The following FHIT variants were observed in gnomAD, a reference collection of about 807,000 sequenced individuals.
FHIT encodes fragile histidine triad diadenosine triphosphatase.
A neutral mutation model predicts 17.9 loss-of-function variants in FHIT; 19 were observed. That is an observed-to-expected ratio of 1.06 (90% CI 0.74 to 1.56). The LOEUF (loss-of-function observed/expected upper bound fraction) is 1.56, where lower values mean the gene tolerates loss of function less well. Ranked by LOEUF, FHIT falls within the 40% of genes most tolerant of loss-of-function variation. FHIT has a pLI of 0.00. For synonymous variants in FHIT, 81 were observed against 69.7 expected (o/e 1.16, Z -0.81); for missense variants, 248 against 189.2 (o/e 1.31, Z -1.82).
intron 2 of FHIT, among the ~76,000 whole-genome samples, chr3:61,046,233 A>C (rs1331696637): frequency 6.6e-6 from 1 of 152,192 alleles, no homozygotes; most frequent in African/African-American, 2.4e-5. Flanking sequence ...CAAAATTGAT[A>C]GACTGCTAGC....
intron 5 of FHIT, among the ~76,000 whole-genome samples, chr3:60,405,598 C>A (rs1701827026): frequency 6.6e-6 from 1 of 152,194 alleles, no homozygotes; most frequent in African/African-American, 2.4e-5. Context: ...GGCAGGGCGC[C>A]CCCTGTGGCA....
intron 1 of FHIT, among the ~76,000 whole-genome samples, chr3:61,223,142 A>G (rs762105078): frequency 7.2e-5 from 11 of 152,292 alleles, no homozygotes; most frequent in Non-Finnish European, 1.5e-4. Flanking sequence ...GAAACATAAT[A>G]TTTATATCCA....
At chr3:59,905,317 G>A (rs1240760460) in intron 8 of FHIT, among the ~76,000 whole-genome samples, 1 of 152,202 alleles carries the variant, frequency 6.6e-6, no homozygotes, top group African/African-American at 2.4e-5. Flanking sequence ...AGAATAAACT[G>A]GAGATGACCC....
At chr3:60,392,546 A>G (rs1171221290) in intron 5 of FHIT, among the ~76,000 whole-genome samples, 1 of 152,206 alleles carries the variant, frequency 6.6e-6, no homozygotes, top group Admixed American at 6.5e-5. Flanking sequence ...CAACTGGTTC[A>G]TCTTGCACCA....
intron 8 of FHIT, among the ~76,000 whole-genome samples, chr3:59,859,445 C>G (rs1025753074): frequency 2.0e-5 from 3 of 152,194 alleles, no homozygotes; most frequent in Non-Finnish European, 4.4e-5. Context: ...AGGCTGGGTG[C>G]TGTGGCTCAC....
intron 4 of FHIT, among the ~76,000 whole-genome samples, chr3:60,633,120 A>G (rs115446260): frequency 0.011 from 1,729 of 152,354 alleles, 31 homozygotes; most frequent in African/African-American, 0.039. Context: ...CAAAATCTGT[A>G]AGAAATAAAT....
Position 60,069,936 on chromosome 3 carries a change from T to C in FHIT, c.104-55784A>G, listed in dbSNP as rs540320124. On this transcript the variant is annotated intron_variant, in intron 5 of 9. Coordinates refer to ENST00000492590, the MANE Select transcript of FHIT (RefSeq NM_002012.4). ...CTTTCTTCTGTCTAGCACACTTTTC[T>C]CCTCGCTCTTTACTCGCTCAAGTTT... Among the ~76,000 whole-genome samples the C allele has an allele frequency of 1.1e-4, 16 of 152,334 alleles. No individual in the cohort carries two copies. The South Asian group carries it at 3.3e-3, about 32-fold the overall frequency.
chr3:61,213,395 A>G (rs1385236977), intron 1 of FHIT, among the ~76,000 whole-genome samples: 1 of 152,246 alleles, frequency 6.6e-6, no homozygotes, highest in African/African-American at 2.4e-5. Flanking sequence ...AACAAAGATC[A>G]AAAGAGAGAA....
intron 3 of FHIT, among the ~76,000 whole-genome samples, chr3:61,019,622 T>C (rs2107642344): frequency 6.6e-6 from 1 of 152,344 alleles, no homozygotes; most frequent in African/African-American, 2.4e-5. Flanking sequence ...CTGTGTAATA[T>C]AACGCTATAT....
intron 3 of FHIT, among the ~76,000 whole-genome samples, chr3:60,962,462 A>C (rs1466427841): frequency 6.6e-6 from 1 of 152,162 alleles, no homozygotes; most frequent in Non-Finnish European, 1.5e-5. Flanking sequence ...AATTTCCAAC[A>C]CTATGTTGAA....
chr3:60,180,331 A>C (rs769460175), intron 5 of FHIT, among the ~76,000 whole-genome samples: 3 of 152,194 alleles, frequency 2.0e-5, no homozygotes, highest in Non-Finnish European at 2.9e-5. Context: ...AGAAAGAGAA[A>C]AACTTCACAC....
chr3:61,012,572 T>C (rs891521528), intron 3 of FHIT, among the ~76,000 whole-genome samples: 2 of 152,080 alleles, frequency 1.3e-5, no homozygotes, highest in African/African-American at 4.8e-5. Context: ...CTAAATCCTG[T>C]TTTGTTTTGA....
chr3:59,756,779 T>G (rs1157970005), intron 8 of FHIT, among the ~76,000 whole-genome samples: 3 of 152,154 alleles, frequency 2.0e-5, no homozygotes, highest in African/African-American at 7.2e-5. Flanking sequence ...CATCATTTTG[T>G]GCACTCCAGG....
At chr3:60,640,698 C>G (rs2039704560) in intron 4 of FHIT, among the ~76,000 whole-genome samples, 1 of 151,894 alleles carries the variant, frequency 6.6e-6, no homozygotes, top group African/African-American at 2.4e-5. Flanking sequence ...TTTAAAAACT[C>G]AACTGAAAAA....
At chr3:60,403,636 C>T (rs916696263) in intron 5 of FHIT, among the ~76,000 whole-genome samples, 2 of 152,266 alleles carry the variant, frequency 1.3e-5, no homozygotes, top group Admixed American at 6.5e-5. Flanking sequence ...CAGAAAGCGT[C>T]CTGCCCCATA....
intron 7 of FHIT, among the ~76,000 whole-genome samples, chr3:59,959,878 A>G (rs1452267348): frequency 6.6e-6 from 1 of 152,200 alleles, no homozygotes; most frequent in African/African-American, 2.4e-5. Context: ...GCAAGTTGAC[A>G]TTAATTAGGT....
In FHIT at chr3:59,897,859, C is replaced by T. The variant is rs375571893; in HGVS notation, c.348+24487G>A. On this transcript the variant is annotated intron_variant, in intron 8 of 9. Transcript: ENST00000492590. ...TCGGCTCACTGCAAGCTCCGCCTCC[C>T]GGGTTCACGCCATTCTCCTGCCTCA... 5.9e-5 allele frequency among the ~76,000 whole-genome samples: 9 copies of T among 152,028 alleles called. No homozygotes were observed. The South Asian group carries it at 8.3e-4, about 14-fold the overall frequency.
intron 5 of FHIT, among the ~76,000 whole-genome samples, chr3:60,193,469 T>C (rs998671640): frequency 5.9e-5 from 9 of 152,146 alleles, no homozygotes; most frequent in African/African-American, 2.2e-4. Context: ...TAAATAAAAA[T>C]ATCATTTAGT....
chr3:60,179,306 T>A (rs950471909), intron 5 of FHIT, among the ~76,000 whole-genome samples: 1 of 152,312 alleles, frequency 6.6e-6, no homozygotes, highest in Admixed American at 6.5e-5. Flanking sequence ...GGGCAGGGAT[T>A]TGAAAGGCCT....
Sources: allele counts gnomAD v4.1 joint callset (sites outside exome capture counted in the v4.1 genomes callset), GRCh38; gene constraint gnomAD v4.1.1; transcripts MANE v1.5; gene names NCBI Gene and HGNC (gene_info 2026-07-23, HGNC 2026-07-21).